The following OSBPL3 variants were observed in gnomAD, a reference collection of about 807,000 sequenced individuals.
OSBPL3 encodes the protein oxysterol-binding protein-related protein 3.
In OSBPL3, 65 loss-of-function variants were observed where a neutral mutation model predicts 120.1. That is an observed-to-expected ratio of 0.54 (90% CI 0.44 to 0.67). OSBPL3 has a LOEUF of 0.67. Among genes scored for constraint, OSBPL3 ranks in the 30% least tolerant of loss-of-function variants. The probability of loss-of-function intolerance (pLI) is 0.00; values close to 1 mark genes in which losing one functional copy is unlikely to be tolerated. For missense variants in OSBPL3, 1,004 were observed against 1,082.1 expected (o/e 0.93, Z 1.01); for synonymous variants, 416 against 402.6 (o/e 1.03, Z -0.40).
At chr7:24,942,510 C>A (rs879524613) in intron 1 of OSBPL3, among the ~76,000 whole-genome samples, 1 of 152,166 alleles carries the variant, frequency 6.6e-6, no homozygotes, top group Non-Finnish European at 1.5e-5. Flanking sequence ...AATAGGGAAT[C>A]CTGCTATCAG....
chr7:24,954,956 C>A (rs893517776), intron 1 of OSBPL3, among the ~76,000 whole-genome samples: 1 of 152,098 alleles, frequency 6.6e-6, no homozygotes, highest in Non-Finnish European at 1.5e-5. Flanking sequence ...GGTGAGCAAA[C>A]AGGGCAGGCA....
In OSBPL3 at chr7:24,834,534, G is replaced by A. The variant is rs540420021; in HGVS notation, c.1698C>T (p.Ser566=). ...LQRLCEELEY[S]ELLDKAAQIP... is the part of the protein sequence containing the mutation. ...TCTGCGCGGCCTTGTCCAGGAGCTC[G>A]CTGTACTCCAGCTCCTCGCAGAGCC... The change falls in exon 15 of 23, where the codon AGC becomes AGT. Residue 566 remains serine (S), a synonymous_variant. Transcript: ENST00000313367. This position sits in a 1 kb window ranked among gnomAD's most constrained non-coding sequence, Gnocchi z 5.2. 79 of 1,613,962 alleles carry A rather than the reference G, an allele frequency of 4.9e-5. No homozygotes were observed. In the East Asian group the frequency reaches 1.7e-3, roughly 35 times the overall value.
rs2128476987 is a variant in OSBPL3, at chr7:24,938,120, G to C, written c.-150+41766C>G. Reference sequence around the variant, plus strand: ...GAAAGTTTCTGTCCCGCCAAAACTGGTATGTTGAAACCTAATCACCAACCT... The same window carrying C: ...GAAAGTTTCTGTCCCGCCAAAACTGCTATGTTGAAACCTAATCACCAACCT... On this transcript the variant is annotated intron_variant, in intron 1 of 22. Coordinates refer to ENST00000313367, the MANE Select transcript of OSBPL3 (RefSeq NM_015550.4). The surrounding 1 kb of genome is among the most constrained non-coding windows in gnomAD (Gnocchi z 5.8). Among the ~76,000 whole-genome samples the C allele has an allele frequency of 2.0e-5, 3 of 152,344 alleles. No homozygotes were observed. In the South Asian group the frequency reaches 6.2e-4, roughly 32 times the overall value.
chr7:24,979,538 T>A (rs1027223611), intron 1 of OSBPL3, among the ~76,000 whole-genome samples: 1 of 152,170 alleles, frequency 6.6e-6, no homozygotes, highest in African/African-American at 2.4e-5. Flanking sequence ...AGCCCCGGCG[T>A]AGCGCCTCCC....
chr7:24,812,007 A>T (rs1179441727), intron 19 of OSBPL3, among the ~76,000 whole-genome samples: 3 of 152,198 alleles, frequency 2.0e-5, no homozygotes, highest in Admixed American at 6.5e-5. Context: ...ATACAATGTA[A>T]GAGAAGGCTC....
Position 24,877,317 on chromosome 7 carries a change from T to G in OSBPL3, c.97-5248A>C, listed in dbSNP as rs1802990330. Among the ~76,000 whole-genome samples the G allele has an allele frequency of 2.0e-5, 3 of 152,196 alleles. No homozygotes were observed. The South Asian group carries it at 6.2e-4, about 32-fold the overall frequency. ...TTCAACCCTGCTCAGAGATAGCTAC[T>G]GTTTTCCCTATACTGTAATCCCACC... is the stretch of plus-strand genomic sequence containing the variant. On this transcript the variant is annotated intron_variant, in intron 2 of 22. Coordinates refer to ENST00000313367, the MANE Select transcript of OSBPL3 (RefSeq NM_015550.4). This position sits in a 1 kb window ranked among gnomAD's most constrained non-coding sequence, Gnocchi z 4.8.
Position 24,903,014 on chromosome 7 carries a change from C to A in OSBPL3, c.-149-10393G>T, listed in dbSNP as rs185108368. 3.7e-4 allele frequency among the ~76,000 whole-genome samples: 56 copies of A among 152,280 alleles called. No homozygotes were observed. In the East Asian group the frequency reaches 5.8e-3, roughly 16 times the overall value. ...ACTTCAAAAACTCCGTGGAATAAGA[C>A]AATGTGTAAATAAATTACTTTTTCT... On this transcript the variant is annotated intron_variant, in intron 1 of 22. Coordinates refer to ENST00000313367, the MANE Select transcript of OSBPL3 (RefSeq NM_015550.4).
rs558077254 is a variant in OSBPL3 at position 24,862,719 on chromosome 7, A to G, written c.870+481T>C. On this transcript the variant is annotated intron_variant, in intron 9 of 22. Coordinates refer to ENST00000313367, the MANE Select transcript of OSBPL3 (RefSeq NM_015550.4). The surrounding 1 kb of genome is among the most constrained non-coding windows in gnomAD (Gnocchi z 4.4). ...TGACACAGTGAATCCTGGATGAGGG[A>G]TTGGGAGTTTGGAGATAAGAGGCCA... 2.6e-5 allele frequency among the ~76,000 whole-genome samples: 4 copies of G among 152,182 alleles called. No individual in the cohort carries two copies. In the East Asian group the frequency reaches 7.7e-4, roughly 29 times the overall value.
intron 1 of OSBPL3, among the ~76,000 whole-genome samples, chr7:24,970,100 CTTTCTT>C (rs1816832304): frequency 3.6e-5 from 5 of 139,456 alleles, no homozygotes; most frequent in South Asian, 2.3e-4. Context: ...CCCTTCGTCC[CTTTCTT>C]TTTTTTTTTT....
In OSBPL3 at chr7:24,922,108, T is replaced by G. The variant is rs1227438639; in HGVS notation, c.-149-29487A>C. ...TAGTATTGTGAATGCAATTTACTTT[T>G]TAAATACTGTAAAGTAACTTACATA... is the stretch of plus-strand genomic sequence containing the variant. On this transcript the variant is annotated intron_variant, in intron 1 of 22. Transcript: ENST00000313367. This position sits in a 1 kb window ranked among gnomAD's most constrained non-coding sequence, Gnocchi z 4.3. Among the ~76,000 whole-genome samples the G allele has an allele frequency of 6.6e-6, 1 of 152,230 alleles. No individual in the cohort carries two copies. Among genetic ancestry groups the G allele is most frequent in the Admixed American group, 6.5e-5 (1 of 15,282 alleles).
chr7:24,865,198 T>C, intron 7 of OSBPL3, 144 bp downstream of exon 7: 5 of 754,324 alleles, frequency 6.6e-6, no homozygotes, highest in Non-Finnish European at 8.7e-6. Context: ...CTTTTGTTGA[T>C]GATGGGTGCA....
In OSBPL3 at chr7:24,873,844, A is replaced by C. The variant is rs937625849; in HGVS notation, c.97-1775T>G. ...TGTTAATGAACCTTTAAGGTTGTCA[A>C]GTTAAAAATTCCACCTCAAATTTCA... On this transcript the variant is annotated intron_variant, in intron 2 of 22. Coordinates refer to ENST00000313367, the MANE Select transcript of OSBPL3 (RefSeq NM_015550.4). The surrounding 1 kb of genome is among the most constrained non-coding windows in gnomAD (Gnocchi z 4.1). 1.3e-5 allele frequency among the ~76,000 whole-genome samples: 2 copies of C among 152,206 alleles called. No homozygotes were observed. Among genetic ancestry groups the C allele is most frequent in the African/African-American group, 4.8e-5 (2 of 41,470 alleles).
At chr7:24,956,945 A>G (rs960934834) in intron 1 of OSBPL3, among the ~76,000 whole-genome samples, 2 of 152,186 alleles carry the variant, frequency 1.3e-5, no homozygotes, top group African/African-American at 4.8e-5. Flanking sequence ...CATCAATTAA[A>G]GTGGTAAGAT....
rs1802428679 is a variant in OSBPL3, at chr7:24,873,384, T to C, written c.97-1315A>G. 6.6e-6 allele frequency among the ~76,000 whole-genome samples: 1 copy of C among 152,224 alleles called. No homozygotes were observed. The highest frequency in any genetic ancestry group is 1.9e-4 in the East Asian group (1 of 5,206). On this transcript the variant is annotated intron_variant, in intron 2 of 22. Coordinates refer to ENST00000313367, the MANE Select transcript of OSBPL3 (RefSeq NM_015550.4). This position sits in a 1 kb window ranked among gnomAD's most constrained non-coding sequence, Gnocchi z 4.1. ...GGGACCCACCTGGTAATGAGAACCC[T>C]TTCCTACGTTAGCAACTGAATTCTT...
rs139450336 is a variant in OSBPL3 at position 24,870,756 on chromosome 7, G to C, written c.357C>G (p.Thr119=). 1 of 1,609,320 alleles carries C rather than the reference G, an allele frequency of 6.2e-7. No individual in the cohort carries two copies. The highest frequency in any genetic ancestry group is 1.7e-5 in the Admixed American group (1 of 60,018). ...KKSSKCIDLD[T]EEHIYHLKVK... The stretch of plus-strand genomic sequence containing the variant: ...CCTTCAGATGGTAGATGTGCTCCTC[G>C]GTGTCAAGGTCTATGCATTTTGATG... Residue 119 remains threonine, a synonymous_variant, in exon 5 of 23, where the codon ACC becomes ACG. Coordinates refer to ENST00000313367, the MANE Select transcript of OSBPL3 (RefSeq NM_015550.4).
rs559116142 is a variant in OSBPL3 at position 24,817,502 on chromosome 7, C to T, written c.1949-814G>A. On this transcript the variant is annotated intron_variant, in intron 17 of 22. Transcript: ENST00000313367. The surrounding 1 kb of genome is among the most constrained non-coding windows in gnomAD (Gnocchi z 4.0). ...GCCTGGGTGATGGAGTGAGATTCTG[C>T]CAAAAAAAACAAAACAAAACTGAAA... Among the ~76,000 whole-genome samples, 1 of 151,070 alleles carries T rather than the reference C, an allele frequency of 6.6e-6. No individual in the cohort carries two copies. The highest frequency in any genetic ancestry group is 1.9e-4 in the East Asian group (1 of 5,170).
intron 12 of OSBPL3, among the ~76,000 whole-genome samples, chr7:24,847,165 G>A (rs186428144): frequency 6.6e-6 from 1 of 152,208 alleles, no homozygotes; most frequent in East Asian, 1.9e-4. Flanking sequence ...GGTGGAGACT[G>A]TCATTTCCCA....
Position 24,863,566 on chromosome 7 carries a change from A to C in OSBPL3, c.707T>G (p.Met236Arg). 1.2e-6 allele frequency: 2 copies of C among 1,614,114 alleles called. No individual in the cohort carries two copies. Among genetic ancestry groups the C allele is most frequent in the Non-Finnish European group, 1.7e-6 (2 of 1,179,966 alleles). The change falls in exon 8 of 23, where the codon ATG becomes AGG. Residue 236 changes from methionine to arginine, a missense_variant. Coordinates refer to ENST00000313367, the MANE Select transcript of OSBPL3 (RefSeq NM_015550.4). This position sits in a 1 kb window ranked among gnomAD's most constrained non-coding sequence, Gnocchi z 5.8. Reference protein sequence around the residue: ...LAHCHAYLVEMSQLLQSMDVL... With the variant: ...LAHCHAYLVERSQLLQSMDVL... The stretch of plus-strand genomic sequence containing the variant: ...GTCCATGCTTTGCAGGAGCTGGCTC[A>C]TTTCTACCAGGTAGGCATGACAGTG...
At position 24,913,821 on chromosome 7, in the gene OSBPL3, C is replaced by T. The variant is rs371598316; in HGVS notation, c.-149-21200G>A. Among the ~76,000 whole-genome samples the T allele has an allele frequency of 3.3e-5, 5 of 152,068 alleles. No individual in the cohort carries two copies. Among genetic ancestry groups the T allele is most frequent in the Admixed American group, 1.3e-4 (2 of 15,274 alleles). On this transcript the variant is annotated intron_variant, in intron 1 of 22. Coordinates refer to ENST00000313367, the MANE Select transcript of OSBPL3 (RefSeq NM_015550.4). This position sits in a 1 kb window ranked among gnomAD's most constrained non-coding sequence, Gnocchi z 5.3. ...TCAGTCAGTGGGGATACAACTAGGA[C>T]GAGGACAAGGACCAAGGACCGTATC...
Sources: gnomAD v4.1 joint callset for allele counts (sites outside exome capture counted in the v4.1 genomes callset) on GRCh38, gnomAD v4.1.1 for gene constraint, Gnocchi (gnomAD v3.1) non-coding constraint, MANE v1.5 for transcripts, NCBI Gene and HGNC (gene_info 2026-07-23, HGNC 2026-07-21) for gene names.